GSTK1: variants seen among roughly 807,000 people sequenced by gnomAD.
GSTK1 encodes the protein glutathione S-transferase kappa 1, also known as GST class-kappa.
GSTK1 carries 25 observed loss-of-function variants against 30.9 expected under a neutral mutation model. The observed-to-expected ratio is 0.81, with a 90% CI of 0.59 to 1.13. The LOEUF (loss-of-function observed/expected upper bound fraction) is 1.13. Ranked by LOEUF, GSTK1 falls within the 50% of genes most tolerant of loss-of-function variation. GSTK1 has a pLI of 0.00. For synonymous variants in GSTK1, 108 were observed against 112.5 expected (o/e 0.96, Z 0.25); for missense variants, 292 against 292.4 (o/e 1.00, Z 0.01).
Position 143,263,447 on chromosome 7 carries a change from T to C in GSTK1, c.-67T>C. On this transcript the variant is annotated 5_prime_UTR_variant, in exon 1 of 8. Coordinates refer to ENST00000358406, the MANE Select transcript of GSTK1 (RefSeq NM_015917.3). ...GGCGGTCCCAGGCAGGCCCAGAAGC[T>C]GGGCAGCCTCTGCCGGGTTCCGGGA... 5 of 1,450,772 alleles carry C rather than the reference T, an allele frequency of 3.4e-6. No homozygotes were observed. The highest frequency in any genetic ancestry group is 1.1e-5 in the South Asian group (1 of 87,936). The allele number at this position is 1,450,772 out of a possible 1,614,324, so 89.9% of individuals were successfully genotyped here. A position where few individuals can be genotyped will look rare whatever the true frequency, so the allele number is the denominator to read the frequency against.
At chr7:143,264,208 CAA>C (rs1449723696) in intron 2 of GSTK1, 41 bp downstream of exon 2, 1 of 1,546,502 alleles carries the variant, frequency 6.5e-7, no homozygotes, top group South Asian at 1.1e-5. Flanking sequence ...CTCAGTGGCC[CAA>C]GAGAGCCGAC....
chr7:143,263,859 G>C, intron 1 of GSTK1: 1 of 601,888 alleles, frequency 1.7e-6, no homozygotes, highest in Non-Finnish European at 2.9e-6. Flanking sequence ...TGCAGAACAC[G>C]GCCACCTCTT....
At chr7:143,263,667 G>A (rs1345640747) in intron 1 of GSTK1, 82 bp downstream of exon 1, 1 of 1,343,050 alleles carries the variant, frequency 7.4e-7, no homozygotes, top group Non-Finnish European at 1.1e-6. Flanking sequence ...CGGGACAGAG[G>A]TCTCGTGTAA....
chr7:143,267,480 C>G (rs1018406109), intron 5 of GSTK1, 137 bp from the exon 6 acceptor site: 5 of 686,818 alleles, frequency 7.3e-6, no homozygotes, highest in Non-Finnish European at 1.3e-5. Context: ...TTGGCAAGGA[C>G]AGATCTCCAC....
rs987102058 is a variant in GSTK1 at position 143,268,595 on chromosome 7, C to T, written c.632-193C>T. ...ATTCTTGGCACTTCCAGTAACAAAG[C>T]GTTATGCAGTCAGTGCTGTTCAAGG... On this transcript the variant is annotated intron_variant, in intron 7 of 7. Transcript: ENST00000358406. This position sits in a 1 kb window ranked among gnomAD's most constrained non-coding sequence, Gnocchi z 4.1. 5.3e-5 allele frequency among the ~76,000 whole-genome samples: 8 copies of T among 152,180 alleles called. No homozygotes were observed. Among genetic ancestry groups the T allele is most frequent in the African/African-American group, 1.2e-4 (5 of 41,426 alleles).
rs143735619 is a variant in GSTK1, at chr7:143,268,111, C to G, written c.558C>G (p.Thr186=). 1 of 1,613,926 alleles carries G rather than the reference C, an allele frequency of 6.2e-7. No individual in the cohort carries two copies. Among genetic ancestry groups the G allele is most frequent in the African/African-American group, 1.3e-5 (1 of 75,034 alleles). The part of the protein sequence containing the change: ...CRYGAFGLPI[T]VAHVDGQTHM... ...TCCAGGCCTTTGGGCTGCCCATCAC[C>G]GTGGCCCATGTGGATGGCCAAACCC... Residue 186 remains threonine (T), a synonymous_variant, in exon 7 of 8, where the codon ACC becomes ACG. Coordinates refer to ENST00000358406, the MANE Select transcript of GSTK1 (RefSeq NM_015917.3). This position sits in a 1 kb window ranked among gnomAD's most constrained non-coding sequence, Gnocchi z 4.1.
Position 143,264,535 on chromosome 7 carries a change from C to T in GSTK1, c.155-13C>T. The stretch of plus-strand genomic sequence containing the variant: ...TCTTTTCTCACTTAGCGTGCCCAAC[C>T]TTCTCCTGGCAGGAAACAAGCCTCC... On this transcript the variant is annotated splice_polypyrimidine_tract_variant and intron_variant, in intron 2 of 7. Transcript: ENST00000358406. 1 of 1,613,900 alleles carries T rather than the reference C, an allele frequency of 6.2e-7. No individual in the cohort carries two copies. Among genetic ancestry groups the T allele is most frequent in the Non-Finnish European group, 8.5e-7 (1 of 1,179,844 alleles).
At chr7:143,266,564 G>A (rs1041888665) in intron 5 of GSTK1, among the ~76,000 whole-genome samples, 2 of 150,976 alleles carry the variant, frequency 1.3e-5, no homozygotes, top group Non-Finnish European at 2.9e-5. Context: ...AATCTTGGCT[G>A]TGAATTAAAA....
At chr7:143,264,210 A>G (rs976439804) in intron 2 of GSTK1, 43 bp downstream of exon 2, 15 of 1,541,866 alleles carry the variant, frequency 9.7e-6, no homozygotes, top group East Asian at 2.2e-5. Flanking sequence ...CAGTGGCCCA[A>G]GAGAGCCGAC....
chr7:143,264,103 G>T lies in GSTK1; in HGVS notation c.90G>T (p.Gln30His). ...GCCCGCAGATCCTGTGCCGGTATCA[G>T]AATATCTGGAACATCAACCTGCAGT... ...WLGFEILCRYQNIWNINLQLR... is the reference protein window; with the variant it reads ...WLGFEILCRYHNIWNINLQLR... Residue 30 changes from glutamine (Q) to histidine (H), a missense_variant, in exon 2 of 8, where the codon CAG becomes CAT. Gln to His is a conservative substitution (Grantham distance 24, BLOSUM62 0). Coordinates refer to ENST00000358406, the MANE Select transcript of GSTK1 (RefSeq NM_015917.3). 2 of 1,614,002 alleles carry T rather than the reference G, an allele frequency of 1.2e-6. No individual in the cohort carries two copies. The highest frequency in any genetic ancestry group is 1.7e-6 in the Non-Finnish European group (2 of 1,179,946).
In GSTK1 at chr7:143,269,020, A is replaced by G. The variant is rs1054205631; in HGVS notation, c.*183A>G. The G allele has an allele frequency of 1.4e-5, 9 of 632,160 alleles. No homozygotes were observed. Among genetic ancestry groups the G allele is most frequent in the South Asian group, 5.5e-5 (3 of 54,908 alleles). The allele number at this position is 632,160 out of a possible 1,614,324, so 39.2% of individuals were successfully genotyped here. On this transcript the variant is annotated 3_prime_UTR_variant, in exon 8 of 8. Coordinates refer to ENST00000358406, the MANE Select transcript of GSTK1 (RefSeq NM_015917.3). The stretch of plus-strand genomic sequence containing the variant: ...GCCAGGAAGACGTCCACCATTAGCC[A>G]TGTGGCAACCTTTACTTCTATGCCT...
Position 143,268,062 on chromosome 7 carries a change from C to T in GSTK1, c.538-29C>T. On this transcript the variant is annotated intron_variant, in intron 6 of 7. Coordinates refer to ENST00000358406, the MANE Select transcript of GSTK1 (RefSeq NM_015917.3). The surrounding 1 kb of genome is among the most constrained non-coding windows in gnomAD (Gnocchi z 4.1). ...TGCCTAATACCTGCTCCTTTGCCTT[C>T]CTCCTTGCATTGTAACTGCTTTCTC... 1.3e-6 allele frequency: 2 copies of T among 1,566,812 alleles called. No individual in the cohort carries two copies. Among genetic ancestry groups the T allele is most frequent in the Non-Finnish European group, 1.8e-6 (2 of 1,141,858 alleles).
rs755757877 is a variant in GSTK1, at chr7:143,264,720, A to G, written c.283+44A>G. 3 of 1,610,500 alleles carry G rather than the reference A, an allele frequency of 1.9e-6. No homozygotes were observed. In the South Asian group the frequency reaches 3.3e-5, roughly 18 times the overall value. Reference sequence around the variant, plus strand: ...AGACAGGGTATCCAGTGAAAAACACAGAAGTCGGAGATTGAGGGATTGATA... The same window carrying G: ...AGACAGGGTATCCAGTGAAAAACACGGAAGTCGGAGATTGAGGGATTGATA... On this transcript the variant is annotated intron_variant, in intron 3 of 7. Transcript: ENST00000358406.
chr7:143,264,867 T>C, intron 3 of GSTK1, 125 bp from the exon 4 acceptor site: 5 of 1,262,514 alleles, frequency 4.0e-6, no homozygotes, highest in Non-Finnish European at 5.6e-6. Flanking sequence ...AAATAGGTCA[T>C]GGGAACCTTG....
In GSTK1 at chr7:143,264,117, T is replaced by C. The variant is rs764357299; in HGVS notation, c.104T>C (p.Ile35Thr). Residue 35 changes from isoleucine (I) to threonine (T), a missense_variant, in exon 2 of 8, where the codon ATC becomes ACC. Coordinates refer to ENST00000358406, the MANE Select transcript of GSTK1 (RefSeq NM_015917.3). ...TGCCGGTATCAGAATATCTGGAACA[T>C]CAACCTGCAGTTGCGGCCCAGCCTC... ...ILCRYQNIWN[I>T]NLQLRPSLIT... 1.1e-5 allele frequency: 18 copies of C among 1,613,878 alleles called. No homozygotes were observed. The highest frequency in any genetic ancestry group is 1.5e-5 in the Non-Finnish European group (18 of 1,179,974).
At position 143,264,628 on chromosome 7, in the gene GSTK1, A is replaced by G; in HGVS notation, c.235A>G (p.Ile79Val). Residue 79 changes from isoleucine (I) to valine (V), a missense_variant, in exon 3 of 8, where the codon ATT becomes GTT. Coordinates refer to ENST00000358406, the MANE Select transcript of GSTK1 (RefSeq NM_015917.3). Reference sequence around the variant, plus strand: ...AAAGCTCCTGAGACACCATCTCCAGATTCCCATCCACTTCCCCAAGGATTT... The same window carrying G: ...AAAGCTCCTGAGACACCATCTCCAGGTTCCCATCCACTTCCCCAAGGATTT... ...DLKLLRHHLQIPIHFPKDFLS... is the reference protein window; with the variant it reads ...DLKLLRHHLQVPIHFPKDFLS... 1 of 1,614,124 alleles carries G rather than the reference A, an allele frequency of 6.2e-7. No individual in the cohort carries two copies. The highest frequency in any genetic ancestry group is 1.3e-5 in the African/African-American group (1 of 75,062).
At position 143,264,605 on chromosome 7, in the gene GSTK1, A is replaced by G. The variant is rs539951799; in HGVS notation, c.212A>G (p.Lys71Arg). ...RKGLYMANDL[K>R]LLRHHLQIPI... Reference sequence around the variant, plus strand: ...GGACTATACATGGCAAATGACTTAAAGCTCCTGAGACACCATCTCCAGATT... The same window carrying G: ...GGACTATACATGGCAAATGACTTAAGGCTCCTGAGACACCATCTCCAGATT... Residue 71 changes from lysine to arginine, a missense_variant, in exon 3 of 8, where the codon AAG (lysine) becomes AGG (arginine). By Grantham distance (26) the Lys-to-Arg change is conservative (BLOSUM62 2). Transcript: ENST00000358406. The G allele has an allele frequency of 2.5e-6, 4 of 1,614,076 alleles. No homozygotes were observed. In the South Asian group the frequency reaches 4.4e-5, roughly 18 times the overall value.
rs771472201 is a variant in GSTK1, at chr7:143,267,732, G to A, written c.536G>A (p.Gly179Glu). 20 of 1,599,782 alleles carry A rather than the reference G, an allele frequency of 1.3e-5. No individual in the cohort carries two copies. Among genetic ancestry groups the A allele is most frequent in the Non-Finnish European group, 1.5e-5 (18 of 1,167,478 alleles). Residue 179 changes from glycine (G) to glutamate (E), a missense_variant and splice_region_variant, in exon 6 of 8, where the codon GGA (glycine) becomes GAA (glutamate). Gly to Glu is a moderately conservative substitution (Grantham distance 98). Coordinates refer to ENST00000358406, the MANE Select transcript of GSTK1 (RefSeq NM_015917.3). ...ACCACTGAGGCAGCCTGCAGATACG[G>A]AGTGAGCAGCTCTTTATGTGTGTTC... is the stretch of plus-strand genomic sequence containing the variant. ...KETTEAACRY[G>E]AFGLPITVAH...
At position 143,264,114 on chromosome 7, in the gene GSTK1, A is replaced by T. The variant is rs546809728; in HGVS notation, c.101A>T (p.Asn34Ile). ...CTGTGCCGGTATCAGAATATCTGGA[A>T]CATCAACCTGCAGTTGCGGCCCAGC... ...EILCRYQNIW[N>I]INLQLRPSLI... is the part of the protein sequence containing the mutation. The change falls in exon 2 of 8, where the codon AAC becomes ATC. Residue 34 changes from asparagine (N) to isoleucine (I), a missense_variant. Transcript: ENST00000358406. The T allele has an allele frequency of 1.1e-5, 18 of 1,614,026 alleles. No homozygotes were observed. The African/African-American group carries it at 2.4e-4, about 22-fold the overall frequency.
Sources: gnomAD v4.1 joint callset for allele counts (sites outside exome capture counted in the v4.1 genomes callset) on GRCh38, gnomAD v4.1.1 for gene constraint, Gnocchi (gnomAD v3.1) non-coding constraint, MANE v1.5 for transcripts, NCBI Gene and HGNC (gene_info 2026-07-23, HGNC 2026-07-21) for gene names.